The following ANGPT1 variants were observed in gnomAD, a reference collection of about 807,000 sequenced individuals.
ANGPT1 encodes angiopoietin-1.
Under a neutral mutation model 62.2 loss-of-function variants are expected in ANGPT1, and 17 were observed. The ratio of observed to expected loss-of-function variants is 0.27; its 90% CI spans 0.19 to 0.41. ANGPT1 has a LOEUF of 0.41. ANGPT1 is among the 10% of genes least tolerant of loss of function. The pLI is 1.00. For synonymous variants in ANGPT1, 199 were observed against 198.9 expected, an observed-to-expected ratio of 1.00 and a Z score of 0.00; for missense variants, 478 against 594.9, an observed-to-expected ratio of 0.80 and a Z score of 2.04.
At chr8:107,298,794 C>A (rs1213921376) in intron 5 of ANGPT1, among the ~76,000 whole-genome samples, 1 of 151,746 alleles carries the variant, frequency 6.6e-6, no homozygotes, top group Non-Finnish European at 1.5e-5. Flanking sequence ...CCATACCATG[C>A]ATATTTGATG....
intron 1 of ANGPT1, among the ~76,000 whole-genome samples, chr8:107,410,341 G>C (rs1817240741): frequency 6.6e-6 from 1 of 152,126 alleles, no homozygotes; most frequent in Admixed American, 6.6e-5. Context: ...GATCTTCTAA[G>C]AACTAGAAAG....
At chr8:107,348,381 CT>C (rs1815857705) in intron 1 of ANGPT1, among the ~76,000 whole-genome samples, 1 of 152,136 alleles carries the variant, frequency 6.6e-6, no homozygotes, top group South Asian at 2.1e-4. Flanking sequence ...AACATCATCC[CT>C]TGCTTATTTC....
At chr8:107,413,145 T>G (rs771225729) in intron 1 of ANGPT1, among the ~76,000 whole-genome samples, 4 of 152,224 alleles carry the variant, frequency 2.6e-5, no homozygotes, top group Non-Finnish European at 4.4e-5. Context: ...GTGTCAGGCA[T>G]ATGACTATTC....
chr8:107,445,643 T>C (rs935922291), intron 1 of ANGPT1, among the ~76,000 whole-genome samples: 1 of 152,172 alleles, frequency 6.6e-6, no homozygotes, highest in South Asian at 2.1e-4. Flanking sequence ...ATCGGGCATC[T>C]AGCCAAGAGT....
At chr8:107,463,355 C>T (rs1009365836) in intron 1 of ANGPT1, among the ~76,000 whole-genome samples, 23 of 152,098 alleles carry the variant, frequency 1.5e-4, no homozygotes, top group South Asian at 6.2e-4. Flanking sequence ...AAAGGACCCA[C>T]GTAAGTTGTG....
intron 1 of ANGPT1, among the ~76,000 whole-genome samples, chr8:107,374,048 T>A (rs1011764683): frequency 6.6e-6 from 1 of 152,214 alleles, no homozygotes; most frequent in Non-Finnish European, 1.5e-5. Context: ...AATATTGACC[T>A]TAATTCCCAT....
chr8:107,426,720 C>A (rs1811051166), intron 1 of ANGPT1, among the ~76,000 whole-genome samples: 1 of 152,184 alleles, frequency 6.6e-6, no homozygotes, highest in Non-Finnish European at 1.5e-5. Context: ...CCAAATCCCA[C>A]TATTTTGTCC....
chr8:107,257,890 TGTTTG>T (rs1813402037), intron 8 of ANGPT1, among the ~76,000 whole-genome samples: 6 of 104,334 alleles, frequency 5.8e-5, no homozygotes, highest in South Asian at 3.4e-4. Flanking sequence ...CTTTTTTGTT[TGTTTG>T]TTTGTTTGTT....
Position 107,250,924 on chromosome 8 carries a change from A to G in ANGPT1, c.*931T>C, listed in dbSNP as rs568962472. The G allele has an allele frequency of 2.1e-3, 318 of 152,274 alleles. 3 individuals are homozygous for G. Among genetic ancestry groups the G allele is most frequent in the Middle Eastern group, 6.8e-3 (2 of 294 alleles). 9.4% of individuals were successfully genotyped at this position (152,274 alleles called of 1,614,324 possible). A position where few individuals can be genotyped will look rare whatever the true frequency, so the allele number is the denominator to read the frequency against. On this transcript the variant is annotated 3_prime_UTR_variant, in exon 9 of 9. Transcript: ENST00000517746. ...GTACTTGCTTTTACTTCAACTTAAC[A>G]TACTCCAAAATATTGCTTTCCTGTA... is the stretch of plus-strand genomic sequence containing the variant.
At chr8:107,474,364 G>C (rs889765179) in intron 1 of ANGPT1, among the ~76,000 whole-genome samples, 5 of 152,082 alleles carry the variant, frequency 3.3e-5, no homozygotes, top group African/African-American at 7.2e-5. Context: ...TGCAGAAAAG[G>C]CCTTTGACAA....
chr8:107,310,955 ATGTGTG>A lies in ANGPT1; in HGVS notation c.809-7594_809-7589del, dbSNP rs35460809. ...AGTGTGAGTGTGTGTGTGTGTATGTATGTGTGTGTGTATGAGTGTGTATGTGAGTGT... is the reference window on the plus strand; with the variant it reads ...AGTGTGAGTGTGTGTGTGTGTATGTATGTGTATGAGTGTGTATGTGAGTGT... On this transcript the variant is annotated intron_variant, in intron 4 of 8. Transcript: ENST00000517746. 8.1e-5 allele frequency among the ~76,000 whole-genome samples: 12 copies of A among 147,430 alleles called. No homozygotes were observed. The East Asian group carries it at 2.0e-3, about 24-fold the overall frequency.
chr8:107,401,892 C>CA (rs1817054185), intron 1 of ANGPT1, among the ~76,000 whole-genome samples: 1 of 152,140 alleles, frequency 6.6e-6, no homozygotes, highest in Admixed American at 6.5e-5. Flanking sequence ...GATCAGTGCT[C>CA]AAAACTACAA....
chr8:107,303,468 C>G, intron 4 of ANGPT1, 101 bp from the exon 5 acceptor site: 1 of 1,011,316 alleles, frequency 9.9e-7, no homozygotes, highest in Non-Finnish European at 1.4e-6. Context: ...TTCCTCCACA[C>G]AAATGTCAAT....
intron 8 of ANGPT1, among the ~76,000 whole-genome samples, chr8:107,255,687 C>T (rs2514868): frequency 0.88 from 133,201 of 152,206 alleles, 58,339 homozygotes; most frequent in Middle Eastern, 0.91. Context: ...TAAGGAACTG[C>T]TTAAGGTCAC....
chr8:107,290,212 C>G (rs546331064), intron 6 of ANGPT1, among the ~76,000 whole-genome samples: 2 of 151,968 alleles, frequency 1.3e-5, no homozygotes, highest in South Asian at 4.2e-4. Context: ...TGATGGAAAT[C>G]TTATGAAGCA....
intron 7 of ANGPT1, among the ~76,000 whole-genome samples, chr8:107,279,757 A>G (rs1393910600): frequency 3.2e-5 from 3 of 92,410 alleles, no homozygotes; most frequent in African/African-American, 1.4e-4. Context: ...ACACACACAC[A>G]CACACTCAAA....
intron 1 of ANGPT1, among the ~76,000 whole-genome samples, chr8:107,393,130 T>C (rs1246674171): frequency 6.6e-6 from 1 of 152,200 alleles, no homozygotes; most frequent in East Asian, 1.9e-4. Flanking sequence ...ATGTTACTTT[T>C]TCATGATTTT....
intron 8 of ANGPT1, among the ~76,000 whole-genome samples, chr8:107,252,846 C>A (rs1277479103): frequency 6.6e-6 from 1 of 152,066 alleles, no homozygotes; most frequent in African/African-American, 2.4e-5. Context: ...TTCCTGTCTG[C>A]TGAAGTAACA....
chr8:107,313,424 T>C (rs1339393681), intron 4 of ANGPT1, among the ~76,000 whole-genome samples: 1 of 127,386 alleles, frequency 7.9e-6, no homozygotes, highest in Non-Finnish European at 1.6e-5. Context: ...AAAATGTTAC[T>C]AGTTGTTTTT....
Sources: allele counts gnomAD v4.1 joint callset (sites outside exome capture counted in the v4.1 genomes callset), GRCh38; gene constraint gnomAD v4.1.1; transcripts MANE v1.5; gene names NCBI Gene and HGNC (gene_info 2026-07-23, HGNC 2026-07-21).